The following KCMF1 variants were observed in gnomAD, a reference collection of about 807,000 sequenced individuals.
KCMF1 encodes the protein E3 ubiquitin-protein ligase KCMF1.
Under a neutral mutation model 41.1 loss-of-function variants are expected in KCMF1, and 3 were observed. The ratio of observed to expected loss-of-function variants is 0.07; its 90% CI spans 0.03 to 0.19. KCMF1 has a LOEUF of 0.19. Among genes scored for constraint, KCMF1 ranks in the 10% least tolerant of loss-of-function variants. KCMF1 has a pLI of 1.00. For synonymous variants in KCMF1, 142 were observed against 164.5 expected (o/e 0.86, Z 1.04); for missense variants, 286 against 488.9 (o/e 0.58, Z 3.91).
intron 1 of KCMF1, among the ~76,000 whole-genome samples, chr2:85,010,683 C>T (rs1407205487): frequency 6.6e-6 from 1 of 152,112 alleles, no homozygotes; most frequent in Non-Finnish European, 1.5e-5. Context: ...TATTGGACAG[C>T]ATACTTCTAG....
intron 1 of KCMF1, among the ~76,000 whole-genome samples, chr2:85,002,354 C>A (rs1354608871): frequency 6.6e-6 from 1 of 152,180 alleles, no homozygotes; most frequent in African/African-American, 2.4e-5. Context: ...ACAGAGCATT[C>A]ACTGTACCAT....
At chr2:84,973,069 T>A (rs554475467) in intron 1 of KCMF1, among the ~76,000 whole-genome samples, 9 of 152,232 alleles carry the variant, frequency 5.9e-5, no homozygotes, top group African/African-American at 2.2e-4. Flanking sequence ...TATCTTAAAC[T>A]GTAGTCCTGT....
Position 85,027,875 on chromosome 2 carries a change from TC to T in KCMF1, c.17-13del. On this transcript the variant is annotated splice_polypyrimidine_tract_variant and intron_variant, in intron 1 of 6. Transcript: ENST00000409785. ...TTTACAACTGGTAACTAAAGATATT[TC>T]TTTTTTTTATAGGTGTCAGCTGTGA... is the stretch of plus-strand genomic sequence containing the variant. 2 of 1,566,976 alleles carry T rather than the reference TC, an allele frequency of 1.3e-6. No homozygotes were observed. Among genetic ancestry groups the T allele is most frequent in the Non-Finnish European group, 1.7e-6 (2 of 1,154,346 alleles).
chr2:84,992,724 CT>C lies in KCMF1; in HGVS notation c.16+21258del, dbSNP rs770268225. 5.1e-4 allele frequency among the ~76,000 whole-genome samples: 78 copies of C among 152,092 alleles called. 1 individual carries two copies. The highest frequency in any genetic ancestry group is 1.0e-3 in the Non-Finnish European group (69 of 67,994). ...CTTGGCTCACTGCAAGCTCCGCCTC[CT>C]GGGTTCATGCCATTCTGCCTCAGCC... On this transcript the variant is annotated intron_variant, in intron 1 of 6. Coordinates refer to ENST00000409785, the MANE Select transcript of KCMF1 (RefSeq NM_020122.5).
chr2:85,030,556 A>G (rs1675241833), intron 2 of KCMF1, among the ~76,000 whole-genome samples: 1 of 152,172 alleles, frequency 6.6e-6, no homozygotes. Context: ...GCATGTGAGT[A>G]TTCAGTTGTC....
chr2:85,008,652 T>C (rs1674575947), intron 1 of KCMF1, among the ~76,000 whole-genome samples: 1 of 151,798 alleles, frequency 6.6e-6, no homozygotes, highest in Non-Finnish European at 1.5e-5. Flanking sequence ...ATTGCTTTGT[T>C]GGACCTGAGC....
At chr2:84,986,077 A>G (rs903243694) in intron 1 of KCMF1, among the ~76,000 whole-genome samples, 5 of 152,170 alleles carry the variant, frequency 3.3e-5, no homozygotes, top group African/African-American at 7.2e-5. Flanking sequence ...TTCACATTCT[A>G]TTCATGGATT....
intron 1 of KCMF1, among the ~76,000 whole-genome samples, chr2:85,019,375 G>A (rs1473602659): frequency 6.6e-6 from 1 of 152,108 alleles, no homozygotes; most frequent in African/African-American, 2.4e-5. Context: ...AGGGGACAAT[G>A]GGCTACTGTT....
chr2:85,045,115 CT>C (rs1213629451), intron 4 of KCMF1, among the ~76,000 whole-genome samples: 1 of 152,096 alleles, frequency 6.6e-6, no homozygotes, highest in African/African-American at 2.4e-5. Context: ...TGGCACACAC[CT>C]GTGGTCCCAG....
At chr2:85,030,914 A>G (rs1222012902) in intron 2 of KCMF1, among the ~76,000 whole-genome samples, 1 of 152,130 alleles carries the variant, frequency 6.6e-6, no homozygotes, top group Non-Finnish European at 1.5e-5. Context: ...CCAAACTGGT[A>G]TCAAACTCCT....
rs1238764499 is a variant in KCMF1 at position 85,054,219 on chromosome 2, A to C, written c.*810A>C. ...TTTTGTGGTTGTTTAAAATTTTTTC[A>C]ATTGTTAAATATGTTTTATTCAGGT... On this transcript the variant is annotated 3_prime_UTR_variant, in exon 7 of 7. Transcript: ENST00000409785. 6.6e-6 allele frequency: 1 copy of C among 152,186 alleles called. No homozygotes were observed. Among genetic ancestry groups the C allele is most frequent in the East Asian group, 1.9e-4 (1 of 5,202 alleles). 9.4% of individuals were successfully genotyped at this position (152,186 alleles called of 1,614,324 possible).
intron 1 of KCMF1, among the ~76,000 whole-genome samples, chr2:85,002,123 T>C (rs1294345463): frequency 6.6e-6 from 1 of 152,228 alleles, no homozygotes; most frequent in Admixed American, 6.5e-5. Context: ...AATAACATTA[T>C]TGCAAATACA....
chr2:85,026,860 C>T (rs1040706043), intron 1 of KCMF1, among the ~76,000 whole-genome samples: 2 of 152,142 alleles, frequency 1.3e-5, no homozygotes, highest in Non-Finnish European at 2.9e-5. Flanking sequence ...TTCTGCTGCT[C>T]CTGCTAGTTC....
chr2:85,017,792 A>T (rs1292757657), intron 1 of KCMF1, among the ~76,000 whole-genome samples: 1 of 152,232 alleles, frequency 6.6e-6, no homozygotes, highest in Non-Finnish European at 1.5e-5. Context: ...AAGGTATACC[A>T]ACCTGAGATT....
At chr2:85,007,101 CAAAAAAAAAAAAA>C (rs764401140) in intron 1 of KCMF1, among the ~76,000 whole-genome samples, 1 of 51,904 alleles carries the variant, frequency 1.9e-5, no homozygotes, top group African/African-American at 7.0e-5. Flanking sequence ...AACTCAGTCT[CAAAAAAAAAAAAA>C]AAAAAAAAGA....
rs1299596928 is a variant in KCMF1, at chr2:85,013,614, A to G, written c.17-14275A>G. 1.3e-5 allele frequency among the ~76,000 whole-genome samples: 2 copies of G among 152,068 alleles called. 1 individual carries two copies. On this transcript the variant is annotated intron_variant, in intron 1 of 6. Coordinates refer to ENST00000409785, the MANE Select transcript of KCMF1 (RefSeq NM_020122.5). ...GTAGTTCGAGACCAGCCTGGCCAGC[A>G]TGGTGAAACCCCGTCTCTACTAAAA...
At chr2:85,052,221 C>T (rs1675826338) in intron 6 of KCMF1, among the ~76,000 whole-genome samples, 1 of 152,092 alleles carries the variant, frequency 6.6e-6, no homozygotes, top group African/African-American at 2.4e-5. Context: ...AGGCACGCAC[C>T]CCCACACCTG....
chr2:84,998,811 C>A (rs1167350388), intron 1 of KCMF1, among the ~76,000 whole-genome samples: 1 of 151,170 alleles, frequency 6.6e-6, no homozygotes, highest in African/African-American at 2.4e-5. Flanking sequence ...AGGGTTTCAC[C>A]ATGTTGGTCA....
intron 1 of KCMF1, among the ~76,000 whole-genome samples, chr2:84,971,751 C>A (rs1673400227): frequency 6.6e-6 from 1 of 151,138 alleles, no homozygotes; most frequent in African/African-American, 2.4e-5. Flanking sequence ...GCGGCGGGGC[C>A]CGTTACCGGC....
Sources: allele counts gnomAD v4.1 joint callset (sites outside exome capture counted in the v4.1 genomes callset), GRCh38; gene constraint gnomAD v4.1.1; transcripts MANE v1.5; gene names NCBI Gene and HGNC (gene_info 2026-07-23, HGNC 2026-07-21).